The following FER1L6 variants were observed in gnomAD, a reference collection of about 807,000 sequenced individuals.
The protein encoded by FER1L6 is fer-1-like protein 6.
In FER1L6, 177 loss-of-function variants were observed where a neutral mutation model predicts 219.2. That is an observed-to-expected ratio of 0.81 (90% CI 0.71 to 0.91). The LOEUF (loss-of-function observed/expected upper bound fraction) is 0.91, where lower values mean the gene tolerates loss of function less well. Ranked by LOEUF, FER1L6 falls within the 40% of genes least tolerant of loss-of-function variation. The probability of loss-of-function intolerance (pLI) is 0.00; values close to 1 mark genes in which losing one functional copy is unlikely to be tolerated. For missense variants in FER1L6, 2,153 were observed against 2,259.9 expected, an observed-to-expected ratio of 0.95 and a Z score of 0.96; for synonymous variants, 768 against 824.3, an observed-to-expected ratio of 0.93 and a Z score of 1.17.
chr8:124,049,170 C>T (rs1819879101), intron 21 of FER1L6, among the ~76,000 whole-genome samples: 1 of 152,048 alleles, frequency 6.6e-6, no homozygotes, highest in Admixed American at 6.5e-5. Flanking sequence ...GCCTCAGCCT[C>T]CCAAGTAGCT....
At chr8:123,974,087 C>A (rs111812487) in intron 7 of FER1L6, among the ~76,000 whole-genome samples, 2 of 152,130 alleles carry the variant, frequency 1.3e-5, no homozygotes, top group African/African-American at 4.8e-5. Context: ...AGAAAAGCAA[C>A]GTAATTTGTT....
intron 12 of FER1L6, 105 bp downstream of exon 12, chr8:123,986,281 A>G: frequency 1.5e-6 from 1 of 662,848 alleles, no homozygotes; most frequent in Admixed American, 2.7e-5. Flanking sequence ...ACTCTGGTGG[A>G]GGTTTGCATC....
intron 1 of FER1L6, among the ~76,000 whole-genome samples, chr8:123,886,303 G>A (rs190051909): frequency 4.6e-5 from 7 of 152,290 alleles, no homozygotes; most frequent in Non-Finnish European, 8.8e-5. Context: ...AGGTGTTTGG[G>A]TTATGGGAGT....
chr8:124,024,098 A>G (rs1327735365), intron 18 of FER1L6, among the ~76,000 whole-genome samples: 2 of 151,550 alleles, frequency 1.3e-5, no homozygotes, highest in East Asian at 1.9e-4. Flanking sequence ...GGGTTTCACT[A>G]TGTTGGCCAG....
chr8:124,044,299 T>G (rs1229918542), intron 20 of FER1L6, among the ~76,000 whole-genome samples: 2 of 152,246 alleles, frequency 1.3e-5, no homozygotes, highest in Non-Finnish European at 2.9e-5. Flanking sequence ...CATTTCCTAT[T>G]GGAAAAGTTA....
At chr8:123,962,820 G>A (rs774702682) in intron 2 of FER1L6, among the ~76,000 whole-genome samples, 1 of 152,038 alleles carries the variant, frequency 6.6e-6, no homozygotes, top group Non-Finnish European at 1.5e-5. Context: ...TAGAGAGGGG[G>A]TTTCACCATG....
rs543351968 is a variant in FER1L6 at position 124,108,513 on chromosome 8, C to A, written c.5289+5204C>A. 5.3e-5 allele frequency among the ~76,000 whole-genome samples: 8 copies of A among 152,180 alleles called. No individual in the cohort carries two copies. In the South Asian group the frequency reaches 1.7e-3, roughly 32 times the overall value. Reference sequence around the variant, plus strand: ...TCTGGGCCCCAGGATGAGGGAAACGCCTCAAACTCAAAATACCTAAATATC... The same window carrying A: ...TCTGGGCCCCAGGATGAGGGAAACGACTCAAACTCAAAATACCTAAATATC... On this transcript the variant is annotated intron_variant, in intron 39 of 40. Transcript: ENST00000522917.
At chr8:123,903,908 G>A (rs1165663241) in intron 1 of FER1L6, among the ~76,000 whole-genome samples, 2 of 152,176 alleles carry the variant, frequency 1.3e-5, no homozygotes, top group African/African-American at 4.8e-5. Context: ...TGAGAAGAGG[G>A]ATTTGACAAT....
At chr8:123,913,463 T>G (rs1229504765) in intron 1 of FER1L6, among the ~76,000 whole-genome samples, 1 of 152,170 alleles carries the variant, frequency 6.6e-6, no homozygotes, top group East Asian at 1.9e-4. Flanking sequence ...TCCAGCTGTG[T>G]TTTTTTACTT....
chr8:123,991,709 T>C (rs1816859489), intron 12 of FER1L6, among the ~76,000 whole-genome samples: 1 of 152,128 alleles, frequency 6.6e-6, no homozygotes, highest in African/African-American at 2.4e-5. Context: ...ATTGCTCTGG[T>C]TAGGACTTCC....
At chr8:123,990,354 C>T (rs1376127779) in intron 12 of FER1L6, among the ~76,000 whole-genome samples, 1 of 152,210 alleles carries the variant, frequency 6.6e-6, no homozygotes, top group Non-Finnish European at 1.5e-5. Flanking sequence ...AGTCTGTAAG[C>T]ATTCCCTTTT....
intron 12 of FER1L6, among the ~76,000 whole-genome samples, chr8:123,996,570 T>C (rs912221629): frequency 1.3e-5 from 2 of 152,134 alleles, no homozygotes; most frequent in Non-Finnish European, 2.9e-5. Context: ...ACCTTGTGTT[T>C]TTATTTATTC....
At chr8:123,946,599 A>ATAT (rs1563699998) in intron 1 of FER1L6, among the ~76,000 whole-genome samples, 2 of 152,186 alleles carry the variant, frequency 1.3e-5, no homozygotes, top group African/African-American at 4.8e-5. Context: ...TTAAAACTTA[A>ATAT]GTTTATTCAC....
intron 1 of FER1L6, among the ~76,000 whole-genome samples, chr8:123,920,938 A>C (rs1193153698): frequency 6.6e-6 from 1 of 152,228 alleles, no homozygotes; most frequent in Non-Finnish European, 1.5e-5. Flanking sequence ...ATATAAGTGG[A>C]ATCAAATACT....
intron 1 of FER1L6, among the ~76,000 whole-genome samples, chr8:123,860,520 G>T (rs1816728008): frequency 8.4e-6 from 1 of 118,572 alleles, no homozygotes; most frequent in Admixed American, 8.8e-5. Context: ...TGGGTCAAAT[G>T]GTATTTCTAC....
chr8:124,057,392 TA>T (rs1820350065), intron 22 of FER1L6, among the ~76,000 whole-genome samples: 1 of 152,316 alleles, frequency 6.6e-6, no homozygotes, highest in East Asian at 1.9e-4. Flanking sequence ...GTTTTTAAGG[TA>T]TTTTTCTTTA....
At chr8:124,026,408 G>C (rs1049133539) in intron 18 of FER1L6, among the ~76,000 whole-genome samples, 2 of 152,118 alleles carry the variant, frequency 1.3e-5, no homozygotes, top group African/African-American at 4.8e-5. Flanking sequence ...TAGAGGAACA[G>C]GTAAAGAGAT....
intron 33 of FER1L6, among the ~76,000 whole-genome samples, chr8:124,087,955 A>C (rs954080816): frequency 6.6e-6 from 1 of 152,118 alleles, no homozygotes; most frequent in African/African-American, 2.4e-5. Context: ...TTCTGTGCTC[A>C]GCTTCCTGGA....
In FER1L6 at chr8:124,093,891, C is replaced by G. The variant is rs185277587; in HGVS notation, c.4553-1005C>G. Among the ~76,000 whole-genome samples the G allele has an allele frequency of 2.0e-5, 3 of 151,518 alleles. No individual in the cohort carries two copies. The East Asian group carries it at 5.8e-4, about 29-fold the overall frequency. ...TATACAGGCATGCAATGTATAATCA[C>G]GATCACACCCTGTAAAATGGGGCAC... On this transcript the variant is annotated intron_variant, in intron 34 of 40. Transcript: ENST00000522917.
Sources: gnomAD v4.1 joint callset for allele counts (sites outside exome capture counted in the v4.1 genomes callset) on GRCh38, gnomAD v4.1.1 for gene constraint, MANE v1.5 for transcripts, NCBI Gene and HGNC (gene_info 2026-07-23, HGNC 2026-07-21) for gene names.